PRKCA: variants seen among roughly 807,000 people sequenced by gnomAD.
The protein encoded by PRKCA is protein kinase C alpha.
PRKCA carries 27 observed loss-of-function variants against 87.0 expected under a neutral mutation model. The observed-to-expected ratio is 0.31, with a 90% confidence interval of 0.23 to 0.43. The LOEUF (loss-of-function observed/expected upper bound fraction) is 0.43. Ranked by LOEUF, PRKCA falls within the 20% of genes least tolerant of loss-of-function variation. The probability of loss-of-function intolerance (pLI) is 1.00; values close to 1 mark genes in which losing one functional copy is unlikely to be tolerated. For synonymous variants in PRKCA, 329 were observed against 311.1 expected, an observed-to-expected ratio of 1.06 and a Z score of -0.61; for missense variants, 518 against 852.3, an observed-to-expected ratio of 0.61 and a Z score of 4.88.
intron 5 of PRKCA, among the ~76,000 whole-genome samples, chr17:66,650,073 G>GA (rs1415014875): frequency 6.6e-6 from 1 of 152,210 alleles, no homozygotes; most frequent in Non-Finnish European, 1.5e-5. Context: ...TGATTTCTCA[G>GA]AAAATGCACT....
At chr17:66,694,749 A>C (rs1458185029) in intron 8 of PRKCA, among the ~76,000 whole-genome samples, 1 of 143,586 alleles carries the variant, frequency 7.0e-6, no homozygotes, top group East Asian at 2.0e-4. Flanking sequence ...TACATGCTAC[A>C]TTCACATTTC....
At chr17:66,370,840 C>T (rs1260370431) in intron 2 of PRKCA, among the ~76,000 whole-genome samples, 2 of 152,016 alleles carry the variant, frequency 1.3e-5, no homozygotes, top group Non-Finnish European at 2.9e-5. Flanking sequence ...AATATTGATG[C>T]CTAGAGAAGT....
At chr17:66,744,578 C>T in intron 13 of PRKCA, among the ~76,000 whole-genome samples, 1 of 152,318 alleles carries the variant, frequency 6.6e-6, no homozygotes, top group South Asian at 2.1e-4. Flanking sequence ...ACAACAGTGT[C>T]CAGTAGAGAC....
At chr17:66,552,329 A>C (rs1002538214) in intron 3 of PRKCA, among the ~76,000 whole-genome samples, 33 of 152,194 alleles carry the variant, frequency 2.2e-4, no homozygotes, top group Admixed American at 2.2e-3. Flanking sequence ...TTTGTTATGT[A>C]TTGCATATAA....
chr17:66,791,989 A>G (rs1598948104), intron 16 of PRKCA, among the ~76,000 whole-genome samples: 1 of 152,206 alleles, frequency 6.6e-6, no homozygotes, highest in East Asian at 1.9e-4. Flanking sequence ...AGATGTAGCA[A>G]TGCCAGCCTA....
At chr17:66,640,858 A>G (rs773053826) in intron 3 of PRKCA, 8 of 421,974 alleles carry the variant, frequency 1.9e-5, no homozygotes, top group African/African-American at 4.2e-5. Context: ...ATAGGTATTC[A>G]TTATATTAAA....
chr17:66,323,560 A>G (rs1905803291), intron 2 of PRKCA, among the ~76,000 whole-genome samples: 2 of 152,186 alleles, frequency 1.3e-5, no homozygotes, highest in South Asian at 4.1e-4. Context: ...TAATATGTTC[A>G]TTGGACCTCT....
rs563564077 is a variant in PRKCA at position 66,775,725 on chromosome 17, G to A, written c.1605+1658G>A. On this transcript the variant is annotated intron_variant, in intron 14 of 16. Transcript: ENST00000413366. Reference sequence around the variant, plus strand: ...AAAGTCTTCCCTTCCCACATGTTACGTCCATTGACTCATTTATTCATTCAC... The same window carrying A: ...AAAGTCTTCCCTTCCCACATGTTACATCCATTGACTCATTTATTCATTCAC... 2.8e-5 allele frequency: 28 copies of A among 985,366 alleles called. No individual in the cohort carries two copies. In the East Asian group the frequency reaches 7.9e-4, roughly 28 times the overall value. 61.0% of individuals were successfully genotyped at this position (985,366 alleles called of 1,614,324 possible). A position where few individuals can be genotyped will look rare whatever the true frequency, so the allele number is the denominator to read the frequency against.
chr17:66,658,273 A>T (rs890370934), intron 5 of PRKCA, among the ~76,000 whole-genome samples: 44 of 152,280 alleles, frequency 2.9e-4, no homozygotes, highest in African/African-American at 1.0e-3. Flanking sequence ...TGAGGTCAAG[A>T]GTTCAAGACC....
chr17:66,605,588 C>T (rs1192880210), intron 3 of PRKCA, among the ~76,000 whole-genome samples: 1 of 152,228 alleles, frequency 6.6e-6, no homozygotes, highest in Non-Finnish European at 1.5e-5. Context: ...AACAATTCCT[C>T]TTCTAGGTAT....
At chr17:66,657,822 C>T (rs1197803427) in intron 5 of PRKCA, among the ~76,000 whole-genome samples, 1 of 152,154 alleles carries the variant, frequency 6.6e-6, no homozygotes, top group Non-Finnish European at 1.5e-5. Flanking sequence ...ATCCTTAAAA[C>T]TTCTGGCTTC....
At chr17:66,519,142 G>A (rs907521006) in intron 3 of PRKCA, among the ~76,000 whole-genome samples, 15 of 152,104 alleles carry the variant, frequency 9.9e-5, no homozygotes, top group African/African-American at 1.4e-4. Flanking sequence ...GTTTGGGGCC[G>A]TCCGTTGTTA....
intron 2 of PRKCA, among the ~76,000 whole-genome samples, chr17:66,447,611 G>C (rs540351934): frequency 1.1e-4 from 16 of 152,358 alleles, no homozygotes; most frequent in African/African-American, 3.8e-4. Context: ...TGAATTTAGA[G>C]ATCTGGACCT....
At chr17:66,752,148 C>T (rs950528944) in intron 13 of PRKCA, among the ~76,000 whole-genome samples, 5 of 152,188 alleles carry the variant, frequency 3.3e-5, no homozygotes, top group African/African-American at 1.2e-4. Context: ...ACAGCATCTT[C>T]CTGAAAGCCC....
chr17:66,567,145 C>A (rs1420836302), intron 3 of PRKCA, among the ~76,000 whole-genome samples: 1 of 152,146 alleles, frequency 6.6e-6, no homozygotes, highest in Non-Finnish European at 1.5e-5. Flanking sequence ...AGGTTTTATA[C>A]ATGATATGGG....
chr17:66,476,679 GAGGCTC>G (rs146958022), intron 2 of PRKCA, among the ~76,000 whole-genome samples: 5,611 of 152,288 alleles, frequency 0.037, 138 homozygotes, highest in Admixed American at 0.055. Flanking sequence ...ACAGTTGCCT[GAGGCTC>G]AGGCTTGCCT....
chr17:66,786,749 C>G (rs961973434), intron 14 of PRKCA, 118 bp from the exon 15 acceptor site: 2 of 682,786 alleles, frequency 2.9e-6, no homozygotes, highest in Admixed American at 5.2e-5. Context: ...AACTGTGCAG[C>G]CTGTGGTGGG....
At chr17:66,777,655 C>T (rs1020513606) in intron 14 of PRKCA, 5 of 985,324 alleles carry the variant, frequency 5.1e-6, no homozygotes, top group Non-Finnish European at 4.8e-6. Context: ...AAAGCCAAGT[C>T]CCCCTCTTGA....
At chr17:66,379,732 T>A (rs1010555898) in intron 2 of PRKCA, among the ~76,000 whole-genome samples, 10 of 152,184 alleles carry the variant, frequency 6.6e-5, no homozygotes, top group Non-Finnish European at 1.3e-4. Flanking sequence ...GGAAGTCCAG[T>A]TTGTCTTTTT....
Sources: allele counts gnomAD v4.1 joint callset (sites outside exome capture counted in the v4.1 genomes callset), GRCh38; gene constraint gnomAD v4.1.1; transcripts MANE v1.5; gene names NCBI Gene and HGNC (gene_info 2026-07-23, HGNC 2026-07-21).